CAMK1D: variants seen among roughly 807,000 people sequenced by gnomAD.
The protein encoded by CAMK1D is calcium/calmodulin-dependent protein kinase type 1D.
In CAMK1D, 9 loss-of-function variants were observed where a neutral mutation model predicts 47.7. That is an observed-to-expected ratio of 0.19 (90% CI 0.11 to 0.33). The LOEUF (loss-of-function observed/expected upper bound fraction) is 0.33, where lower values mean the gene tolerates loss of function less well. Among genes scored for constraint, CAMK1D ranks in the 10% least tolerant of loss-of-function variants. The pLI is 1.00. For missense variants in CAMK1D, 291 were observed against 488.7 expected (o/e 0.60, Z 3.81); for synonymous variants, 184 against 184.9 (o/e 0.99, Z 0.04).
At chr10:12,566,464 G>A (rs1038978609) in intron 2 of CAMK1D, among the ~76,000 whole-genome samples, 3 of 152,202 alleles carry the variant, frequency 2.0e-5, no homozygotes, top group Non-Finnish European at 4.4e-5. Context: ...CTAAACTCCT[G>A]TGAAAACTCT....
At chr10:12,612,466 C>G (rs1481822047) in intron 2 of CAMK1D, among the ~76,000 whole-genome samples, 3 of 151,748 alleles carry the variant, frequency 2.0e-5, no homozygotes, top group Non-Finnish European at 4.4e-5. Flanking sequence ...CTCAGCCTCC[C>G]AAGTAGTGGG....
At chr10:12,627,072 G>A (rs1839238987) in intron 2 of CAMK1D, among the ~76,000 whole-genome samples, 1 of 143,542 alleles carries the variant, frequency 7.0e-6, no homozygotes, top group South Asian at 2.2e-4. Flanking sequence ...CCTCTTATGG[G>A]CTATAATTTT....
intron 10 of CAMK1D, among the ~76,000 whole-genome samples, chr10:12,827,247 T>C (rs1232420324): frequency 3.4e-5 from 5 of 145,570 alleles, no homozygotes; most frequent in Non-Finnish European, 7.5e-5. Context: ...CTCCCTCCCT[T>C]CTTTCTTTCT....
intron 3 of CAMK1D, among the ~76,000 whole-genome samples, chr10:12,735,252 G>A (rs1472217424): frequency 1.3e-5 from 2 of 152,152 alleles, no homozygotes; most frequent in African/African-American, 2.4e-5. Flanking sequence ...CGAGGCGGGC[G>A]GATCACGAGG....
intron 3 of CAMK1D, among the ~76,000 whole-genome samples, chr10:12,747,791 A>C (rs967697417): frequency 6.6e-6 from 1 of 152,256 alleles, no homozygotes; most frequent in Non-Finnish European, 1.5e-5. Context: ...TATCAGTTCA[A>C]AGTCCAAAGG....
At chr10:12,617,730 A>G (rs936113355) in intron 2 of CAMK1D, among the ~76,000 whole-genome samples, 1 of 152,108 alleles carries the variant, frequency 6.6e-6, no homozygotes, top group Non-Finnish European at 1.5e-5. Context: ...TCCAGATTGC[A>G]TGTCTCTGAT....
intron 1 of CAMK1D, among the ~76,000 whole-genome samples, chr10:12,409,812 T>A (rs904901390): frequency 6.6e-6 from 1 of 152,226 alleles, no homozygotes; most frequent in Non-Finnish European, 1.5e-5. Flanking sequence ...TTCAAAATTT[T>A]TTCATCATCC....
chr10:12,597,753 C>G (rs1838187167), intron 2 of CAMK1D, among the ~76,000 whole-genome samples: 1 of 152,158 alleles, frequency 6.6e-6, no homozygotes, highest in Admixed American at 6.5e-5. Flanking sequence ...TCTTCACTTC[C>G]TACCATCAGC....
chr10:12,827,462 T>TTCTTTCTTTCTTTCTTTC lies in CAMK1D; in HGVS notation c.1040-1306_1040-1305insCTTTCTTTCTTTCTTTCT, dbSNP rs1564594070. Among the ~76,000 whole-genome samples the TTCTTTCTTTCTTTCTTTC allele has an allele frequency of 1.6e-4, 2 of 12,122 alleles. 1 individual carries two copies. The highest frequency in any genetic ancestry group is 3.8e-4 in the African/African-American group (2 of 5,258). The allele number at this position is 12,122 out of a possible 152,430, so 8.0% of individuals were successfully genotyped here. The stretch of plus-strand genomic sequence containing the variant: ...TTCTTTCTTTCTTTCTTTTCTTTCT[T>TTCTTTCTTTCTTTCTTTC]TGTCTGTCTGTCTTTCTTTCTTTCT... On this transcript the variant is annotated intron_variant, in intron 10 of 10. Transcript: ENST00000619168.
At chr10:12,473,356 C>G (rs1833805880) in intron 1 of CAMK1D, among the ~76,000 whole-genome samples, 1 of 152,074 alleles carries the variant, frequency 6.6e-6, no homozygotes, top group African/African-American at 2.4e-5. Context: ...ATTGCTTGAA[C>G]TTGGGAGGTG....
intron 2 of CAMK1D, among the ~76,000 whole-genome samples, chr10:12,604,171 G>A (rs903659858): frequency 2.6e-5 from 4 of 152,096 alleles, no homozygotes; most frequent in Admixed American, 6.6e-5. Context: ...CCTGGGACCC[G>A]TTCTTATGTA....
At chr10:12,431,000 T>C (rs957458441) in intron 1 of CAMK1D, among the ~76,000 whole-genome samples, 1 of 152,244 alleles carries the variant, frequency 6.6e-6, no homozygotes, top group African/African-American at 2.4e-5. Flanking sequence ...TCCGCCCGCT[T>C]TGGCCTCCCA....
chr10:12,434,114 G>A (rs1832563230), intron 1 of CAMK1D, among the ~76,000 whole-genome samples: 1 of 152,120 alleles, frequency 6.6e-6, no homozygotes, highest in Non-Finnish European at 1.5e-5. Context: ...GGGACTGCAG[G>A]AGCAATCCCT....
chr10:12,644,406 A>G (rs1406394660), intron 2 of CAMK1D, among the ~76,000 whole-genome samples: 1 of 152,086 alleles, frequency 6.6e-6, no homozygotes, highest in African/African-American at 2.4e-5. Flanking sequence ...ATTTTTTGCG[A>G]CCCATCAAAG....
chr10:12,571,460 A>G (rs1837323589), intron 2 of CAMK1D, among the ~76,000 whole-genome samples: 1 of 149,022 alleles, frequency 6.7e-6, no homozygotes, highest in Admixed American at 6.6e-5. Context: ...TCACAAAAAA[A>G]AAAAAAAAAA....
At chr10:12,779,673 C>A (rs1837407885) in intron 5 of CAMK1D, among the ~76,000 whole-genome samples, 2 of 152,130 alleles carry the variant, frequency 1.3e-5, no homozygotes, top group South Asian at 4.1e-4. Context: ...TCAAGTGATC[C>A]TACTGCTTCA....
chr10:12,464,006 C>T (rs773672418), intron 1 of CAMK1D, among the ~76,000 whole-genome samples: 7 of 152,092 alleles, frequency 4.6e-5, no homozygotes, highest in Non-Finnish European at 7.3e-5. Flanking sequence ...TTCCCGAGGC[C>T]TCCCCAGCCA....
Position 12,357,693 on chromosome 10 carries a change from G to A in CAMK1D, c.92+7783G>A, listed in dbSNP as rs570409495. 5.2e-4 allele frequency among the ~76,000 whole-genome samples: 79 copies of A among 152,248 alleles called. No homozygotes were observed. The South Asian group carries it at 9.1e-3, about 18-fold the overall frequency. On this transcript the variant is annotated intron_variant, in intron 1 of 10. Transcript: ENST00000619168. ...CTGGTGCCCGAGTCAGCGGACCCACGTTATTTTCCTGATGCAAGATGGTCA... is the reference window on the plus strand; with the variant it reads ...CTGGTGCCCGAGTCAGCGGACCCACATTATTTTCCTGATGCAAGATGGTCA...
chr10:12,529,520 T>C (rs1414541278), intron 1 of CAMK1D, among the ~76,000 whole-genome samples: 1 of 152,200 alleles, frequency 6.6e-6, no homozygotes, highest in African/African-American at 2.4e-5. Context: ...TCCTTATGAA[T>C]CTGTATTTCT....
Sources: gnomAD v4.1 joint callset for allele counts (sites outside exome capture counted in the v4.1 genomes callset) on GRCh38, gnomAD v4.1.1 for gene constraint, MANE v1.5 for transcripts, NCBI Gene and HGNC (gene_info 2026-07-23, HGNC 2026-07-21) for gene names.